Variants in ZNF219 observed in about 807,000 individuals in gnomAD.
ZNF219 encodes zinc finger protein 219.
A neutral mutation model predicts 54.4 loss-of-function variants in ZNF219; 17 were observed. The observed-to-expected ratio is 0.31, with a 90% confidence interval of 0.21 to 0.47. The LOEUF (loss-of-function observed/expected upper bound fraction) is 0.47. Ranked by LOEUF, ZNF219 falls within the 20% of genes least tolerant of loss-of-function variation. The pLI, the probability that ZNF219 is intolerant of heterozygous loss-of-function variation, is 1.00. For missense variants in ZNF219, 1,014 were observed against 1,062.3 expected (o/e 0.95, Z 0.63); for synonymous variants, 518 against 476.4 (o/e 1.09, Z -1.14).
At position 21,098,435 on chromosome 14, in the gene ZNF219, C is replaced by T; in HGVS notation, c.-207G>A. On this transcript the variant is annotated 5_prime_UTR_variant, in exon 1 of 5. Transcript: ENST00000360947. ...GAGATGCGCCGGGCCCCGGCCCCCC[C>T]GCCCCCGGCCCGGCCCCCGCCCCCT... 1.5e-6 allele frequency: 1 copy of T among 683,838 alleles called. No individual in the cohort carries two copies. The highest frequency in any genetic ancestry group is 1.8e-6 in the Non-Finnish European group (1 of 559,688). The allele number at this position is 683,838 out of a possible 1,614,324, so 42.4% of individuals were successfully genotyped here.
rs1352373232 is a variant in ZNF219 at position 21,093,648 on chromosome 14, C to T, written c.-57G>A. The T allele has an allele frequency of 1.2e-6, 2 of 1,613,972 alleles. No homozygotes were observed. The highest frequency in any genetic ancestry group is 3.3e-5 in the Admixed American group (2 of 59,996). On this transcript the variant is annotated 5_prime_UTR_variant, in exon 2 of 5. The change abolishes the stop of an existing upstream ORF in the 5' untranslated region. Transcript: ENST00000360947. Reference sequence around the variant, plus strand: ...GTGCAGGGAAGAGGAGGAAAAGCTGCTAATGAAGGCAACAGGTGCTGTGGA... The same window carrying T: ...GTGCAGGGAAGAGGAGGAAAAGCTGTTAATGAAGGCAACAGGTGCTGTGGA...
chr14:21,100,740 G>C (rs115287685), upstream of ZNF219, among the ~76,000 whole-genome samples: 645 of 152,306 alleles, frequency 4.2e-3, 5 homozygotes, highest in African/African-American at 0.015. Flanking sequence ...TGGGGGCAAA[G>C]CTGCAAGTAG....
intron 1 of ZNF219, among the ~76,000 whole-genome samples, chr14:21,094,197 T>A (rs1410837785): frequency 6.6e-6 from 1 of 152,146 alleles, no homozygotes; most frequent in African/African-American, 2.4e-5. Context: ...ATCCATTCAT[T>A]TCCATTCATT....
chr14:21,091,713 G>A, intron 3 of ZNF219, 152 bp downstream of exon 3: 2 of 1,437,162 alleles, frequency 1.4e-6, no homozygotes, highest in Non-Finnish European at 1.8e-6. Flanking sequence ...TCAAATGATG[G>A]CAAAGCCTCC....
upstream of ZNF219, chr14:21,101,282 C>G (rs909142497): frequency 4.8e-6 from 7 of 1,467,292 alleles, no homozygotes; most frequent in Non-Finnish European, 6.5e-6. Flanking sequence ...TCCTAATAGA[C>G]AGAACCTATA....
upstream of ZNF219, chr14:21,102,564 G>A (rs1889711185): frequency 6.4e-7 from 1 of 1,551,536 alleles, no homozygotes; most frequent in East Asian, 2.4e-5. Flanking sequence ...GCAAGAGGAG[G>A]TGGGAAGGGA....
intron 1 of ZNF219, among the ~76,000 whole-genome samples, chr14:21,094,886 C>T (rs1889207545): frequency 6.9e-6 from 1 of 144,820 alleles, no homozygotes; most frequent in Admixed American, 7.0e-5. Context: ...CTGGTCAAGG[C>T]TAAATGAATG....
intron 1 of ZNF219, among the ~76,000 whole-genome samples, chr14:21,094,714 G>A (rs972937384): frequency 1.3e-4 from 16 of 121,980 alleles, no homozygotes; most frequent in Middle Eastern, 4.0e-3. Context: ...TTGAGAGGAA[G>A]AGGATAGGGG....
upstream of ZNF219, among the ~76,000 whole-genome samples, chr14:21,100,554 G>A (rs549622220): frequency 1.3e-5 from 2 of 152,142 alleles, no homozygotes; most frequent in South Asian, 2.1e-4. Context: ...TAGATAGATA[G>A]ATAATGTCCA....
intron 1 of ZNF219, among the ~76,000 whole-genome samples, chr14:21,097,935 C>T (rs1889373168): frequency 6.6e-6 from 1 of 151,638 alleles, no homozygotes; most frequent in Admixed American, 6.6e-5. Context: ...CGCGGCTCTG[C>T]CGCCCCTCAC....
At chr14:21,098,842 G>A, upstream of ZNF219, 1 of 1,287,950 alleles carries the variant, frequency 7.8e-7, no homozygotes, top group Non-Finnish European at 1.0e-6. Flanking sequence ...CGCTCTTTCT[G>A]CCCCAACATG....
chr14:21,100,240 C>A (rs573028165), upstream of ZNF219, among the ~76,000 whole-genome samples: 3 of 152,174 alleles, frequency 2.0e-5, no homozygotes, highest in South Asian at 6.2e-4. Context: ...GTGGCATGTG[C>A]CTGTGATCCC....
upstream of ZNF219, among the ~76,000 whole-genome samples, chr14:21,100,349 G>A (rs1024316330): frequency 1.0e-4 from 15 of 149,322 alleles, no homozygotes; most frequent in African/African-American, 3.6e-4. Context: ...CTGGGTGACA[G>A]TGAGCCCCTG....
upstream of ZNF219, chr14:21,101,507 A>G (rs1419601611): frequency 5.1e-5 from 74 of 1,461,746 alleles, no homozygotes; most frequent in Non-Finnish European, 6.5e-5. Context: ...ACCCAATTCA[A>G]TTCCATCCAT....
chr14:21,099,770 T>C (rs1015731787), upstream of ZNF219, among the ~76,000 whole-genome samples: 10 of 152,250 alleles, frequency 6.6e-5, no homozygotes, highest in Non-Finnish European at 1.2e-4. Flanking sequence ...TAACTTCCTT[T>C]TATAGATAAG....
intron 1 of ZNF219, chr14:21,094,474 G>A (rs1422661852): frequency 2.2e-6 from 1 of 452,150 alleles, no homozygotes; most frequent in African/African-American, 2.0e-5. Context: ...GGGCTGTTCC[G>A]AGGCAGGCTT....
Position 21,098,390 on chromosome 14 carries a change from A to C in ZNF219, c.-162T>G. ...GCGGCGGGCCGGCGGCGCGGGCGTC[A>C]GCGTTACGTGGGGCCGGGGGAGATG... is the stretch of plus-strand genomic sequence containing the variant. On this transcript the variant is annotated 5_prime_UTR_variant, in exon 1 of 5. Transcript: ENST00000360947. 2 of 465,620 alleles carry C rather than the reference A, an allele frequency of 4.3e-6. No individual in the cohort carries two copies. Among genetic ancestry groups the C allele is most frequent in the Non-Finnish European group, 5.5e-6 (2 of 362,916 alleles). The allele number at this position is 465,620 out of a possible 1,614,324, so 28.8% of individuals were successfully genotyped here.
At position 21,092,647 on chromosome 14, in the gene ZNF219, C is replaced by T; in HGVS notation, c.650G>A (p.Arg217His). Residue 217 changes from arginine (R) to histidine (H), a missense_variant, in exon 3 of 5, where the codon CGT becomes CAT. Around this residue, in one of 5 missense-constraint regions of ZNF219, gnomAD observed 395 missense variants for 415.1 expected, o/e 0.95. Coordinates refer to ENST00000360947, the MANE Select transcript of ZNF219 (RefSeq NM_016423.3). ...CGCAGCGGAGGTGGCCGCCAGGGGA[C>T]GCTCGGGAGCCCCGTGGGCCGTCAG... is the stretch of plus-strand genomic sequence containing the variant. The part of the protein sequence containing the change: ...HSLTAHGAPE[R>H]PLAATSAAPP... 4 of 1,564,544 alleles carry T rather than the reference C, an allele frequency of 2.6e-6. No individual in the cohort carries two copies. The South Asian group carries it at 4.7e-5, about 18-fold the overall frequency.
chr14:21,102,493 C>T (rs1045321026), upstream of ZNF219: 1 of 1,551,566 alleles, frequency 6.4e-7, no homozygotes, highest in African/African-American at 1.4e-5. Context: ...GCCTTGGGGC[C>T]TGCCCCAACT....
Sources: allele counts gnomAD v4.1 joint callset (sites outside exome capture counted in the v4.1 genomes callset), GRCh38; gene constraint gnomAD v4.1.1; regional missense constraint gnomAD v4.1.1; transcripts MANE v1.5; gene names NCBI Gene and HGNC (gene_info 2026-07-23, HGNC 2026-07-21).